The following FGF12 variants were observed in gnomAD, a reference collection of about 807,000 sequenced individuals.
FGF12 encodes the protein fibroblast growth factor 12, also known as fibroblast growth factor 12B.
Under a neutral mutation model 23.6 loss-of-function variants are expected in FGF12, and 14 were observed. That is an observed-to-expected ratio of 0.59 (90% CI 0.39 to 0.93). The LOEUF is 0.93. FGF12 is among the 40% of genes least tolerant of loss of function. FGF12 has a pLI of 0.00. For missense variants in FGF12, 175 were observed against 217.8 expected, an observed-to-expected ratio of 0.80 and a Z score of 1.24; for synonymous variants, 62 against 77.3, an observed-to-expected ratio of 0.80 and a Z score of 1.04.
chr3:192,495,284 G>C (rs1723920297), intron 2 of FGF12, among the ~76,000 whole-genome samples: 1 of 152,098 alleles, frequency 6.6e-6, no homozygotes, highest in Non-Finnish European at 1.5e-5. Flanking sequence ...ATCTATGTAT[G>C]CTTATATATA....
At position 192,469,252 on chromosome 3, in the gene FGF12, T is replaced by C. The variant is rs28674617; in HGVS notation, c.14-108714A>G. Among the ~76,000 whole-genome samples the C allele has an allele frequency of 8.9e-3, 1,351 of 152,352 alleles. 18 individuals are homozygous for C. The highest frequency in any genetic ancestry group is 0.03 in the African/African-American group (1,240 of 41,586). On this transcript the variant is annotated intron_variant, in intron 2 of 5. Transcript: ENST00000445105. ...TTTAGAAATGAAACTTAGATCTGGT[T>C]GCTAAGTGTGTTCATTATAAACAGA...
intron 4 of FGF12, among the ~76,000 whole-genome samples, chr3:192,313,711 G>A (rs1716077742): frequency 6.6e-6 from 1 of 152,162 alleles, no homozygotes; most frequent in Non-Finnish European, 1.5e-5. Flanking sequence ...TAGTTATGGT[G>A]ATTAGAAAGA....
chr3:192,254,956 C>T (rs1175071962), intron 4 of FGF12, among the ~76,000 whole-genome samples: 2 of 151,984 alleles, frequency 1.3e-5, no homozygotes. Context: ...TCTGCAAATG[C>T]ATATCATGCC....
intron 4 of FGF12, among the ~76,000 whole-genome samples, chr3:192,273,147 T>C (rs1283656565): frequency 6.6e-6 from 1 of 152,096 alleles, no homozygotes; most frequent in Non-Finnish European, 1.5e-5. Flanking sequence ...AGAAAATCAA[T>C]CTCTTCTTCC....
chr3:192,666,950 GA>G (rs1716899064), intron 2 of FGF12, among the ~76,000 whole-genome samples: 1 of 149,978 alleles, frequency 6.7e-6, no homozygotes, highest in Non-Finnish European at 1.5e-5. Context: ...TAGATAGATA[GA>G]TAGATAGACA....
At chr3:192,446,426 C>T (rs1722357348) in intron 2 of FGF12, among the ~76,000 whole-genome samples, 1 of 152,150 alleles carries the variant, frequency 6.6e-6, no homozygotes, top group African/African-American at 2.4e-5. Context: ...TGATGTATCA[C>T]GGAAGCATTA....
chr3:192,198,955 T>G (rs149344311), intron 4 of FGF12, among the ~76,000 whole-genome samples: 1 of 152,334 alleles, frequency 6.6e-6, no homozygotes, highest in East Asian at 1.9e-4. Flanking sequence ...CTTTTCATTC[T>G]GGAAAATTTT....
At chr3:192,464,801 G>A (rs994246193) in intron 2 of FGF12, among the ~76,000 whole-genome samples, 5 of 152,056 alleles carry the variant, frequency 3.3e-5, no homozygotes, top group Non-Finnish European at 7.4e-5. Flanking sequence ...AAGCCTGCCT[G>A]AATGTGTTAA....
At chr3:192,613,177 C>A (rs1714615303) in intron 2 of FGF12, among the ~76,000 whole-genome samples, 3 of 151,636 alleles carry the variant, frequency 2.0e-5, no homozygotes, top group Admixed American at 2.0e-4. Context: ...GTCAATTATT[C>A]CTTGAAGACT....
At chr3:192,364,211 T>A (rs1481227080) in intron 2 of FGF12, among the ~76,000 whole-genome samples, 1 of 152,186 alleles carries the variant, frequency 6.6e-6, no homozygotes, top group Non-Finnish European at 1.5e-5. Context: ...TACAAGTAAG[T>A]ACCTGTTCTC....
rs1413014862 is a variant in FGF12, at chr3:192,408,549, G to A, written c.14-48011C>T. 15 of 1,160,442 alleles carry A rather than the reference G, an allele frequency of 1.3e-5. No individual in the cohort carries two copies. The highest frequency in any genetic ancestry group is 1.6e-5 in the African/African-American group (1 of 62,422). The allele number at this position is 1,160,442 out of a possible 1,614,324, so 71.9% of individuals were successfully genotyped here. A position where few individuals can be genotyped will look rare whatever the true frequency, so the allele number is the denominator to read the frequency against. On this transcript the variant is annotated intron_variant, in intron 2 of 5. Transcript: ENST00000445105. This position sits in a 1 kb window ranked among gnomAD's most constrained non-coding sequence, Gnocchi z 7.3. ...CCCCAAGGCGATCGGCGTCCAAGGGGCAGTGGGGAGTTTAGTCACACTGCG... is the reference window on the plus strand; with the variant it reads ...CCCCAAGGCGATCGGCGTCCAAGGGACAGTGGGGAGTTTAGTCACACTGCG...
chr3:192,404,718 A>T (rs1357181337), intron 2 of FGF12, among the ~76,000 whole-genome samples: 1 of 152,164 alleles, frequency 6.6e-6, no homozygotes, highest in East Asian at 1.9e-4. Flanking sequence ...CCAACTTTCC[A>T]GTTCAGGGTC....
intron 2 of FGF12, among the ~76,000 whole-genome samples, chr3:192,542,602 T>G (rs1374848182): frequency 6.6e-6 from 1 of 152,194 alleles, no homozygotes; most frequent in South Asian, 2.1e-4. Flanking sequence ...GGGTATTTAT[T>G]GTAGTCTTCA....
rs1397734229 is a variant in FGF12 at position 192,222,985 on chromosome 3, C to A, written c.229-52329G>T. ...TTCATGTCCTTCCTCTTCAGTTGCA[C>A]GTATTCCGCACTGCACCTCTGCCCA... On this transcript the variant is annotated intron_variant, in intron 4 of 5. Coordinates refer to ENST00000445105, the MANE Select transcript of FGF12 (RefSeq NM_004113.6). 5.3e-5 allele frequency among the ~76,000 whole-genome samples: 8 copies of A among 152,120 alleles called. No homozygotes were observed. In the East Asian group the frequency reaches 1.5e-3, roughly 29 times the overall value.
At chr3:192,553,918 G>A (rs990430054) in intron 2 of FGF12, among the ~76,000 whole-genome samples, 4 of 152,288 alleles carry the variant, frequency 2.6e-5, no homozygotes, top group Admixed American at 6.5e-5. Flanking sequence ...ACAAACACTC[G>A]CTCACCAAAA....
intron 4 of FGF12, among the ~76,000 whole-genome samples, chr3:192,234,117 A>G (rs2108587567): frequency 6.6e-6 from 1 of 152,232 alleles, no homozygotes; most frequent in East Asian, 1.9e-4. Context: ...ATTGATAAGA[A>G]TGGTATTGAA....
chr3:192,495,672 C>T (rs1723934476), intron 2 of FGF12, among the ~76,000 whole-genome samples: 1 of 151,978 alleles, frequency 6.6e-6, no homozygotes, highest in Non-Finnish European at 1.5e-5. Flanking sequence ...AATCCAATAG[C>T]CCTCACCTTT....
intron 4 of FGF12, among the ~76,000 whole-genome samples, chr3:192,218,489 T>C (rs1399583232): frequency 6.6e-6 from 1 of 152,162 alleles, no homozygotes; most frequent in Non-Finnish European, 1.5e-5. Flanking sequence ...TCATGTGATC[T>C]GGTTGTTTAA....
chr3:192,229,205 CAGA>C (rs2108582140), intron 4 of FGF12, among the ~76,000 whole-genome samples: 1 of 151,242 alleles, frequency 6.6e-6, no homozygotes, highest in South Asian at 2.1e-4. Context: ...GCTATGCACA[CAGA>C]AGGAATAGAT....
Sources: gnomAD v4.1 joint callset for allele counts (sites outside exome capture counted in the v4.1 genomes callset) on GRCh38, gnomAD v4.1.1 for gene constraint, Gnocchi (gnomAD v3.1) non-coding constraint, MANE v1.5 for transcripts, NCBI Gene and HGNC (gene_info 2026-07-23, HGNC 2026-07-21) for gene names.